Variants in NDST4 observed in about 807,000 individuals in gnomAD.
The protein encoded by NDST4 is N-deacetylase and N-sulfotransferase 4.
NDST4 carries 63 observed loss-of-function variants against 100.8 expected under a neutral mutation model. The ratio of observed to expected loss-of-function variants is 0.62; its 90% CI spans 0.51 to 0.77. The LOEUF is 0.77. NDST4 is among the 30% of genes least tolerant of loss of function. The probability of loss-of-function intolerance (pLI) is 0.00; values close to 1 mark genes in which losing one functional copy is unlikely to be tolerated. For missense variants in NDST4, 943 were observed against 1,018.4 expected, an observed-to-expected ratio of 0.93 and a Z score of 1.01; for synonymous variants, 377 against 361.8, an observed-to-expected ratio of 1.04 and a Z score of -0.48.
chr4:114,893,779 A>G (rs976587662), intron 6 of NDST4, among the ~76,000 whole-genome samples: 2 of 151,886 alleles, frequency 1.3e-5, no homozygotes, highest in Non-Finnish European at 2.9e-5. Context: ...CTTTTGTTGC[A>G]TTTGCTTTTG....
intron 7 of NDST4, among the ~76,000 whole-genome samples, chr4:114,863,671 T>A (rs1460761879): frequency 1.3e-5 from 2 of 152,240 alleles, no homozygotes; most frequent in East Asian, 3.8e-4. Context: ...CAGTTAAAAT[T>A]GCTTTAGGCA....
In NDST4 at chr4:115,048,934, C is replaced by T. The variant is rs148715393; in HGVS notation, c.978+27125G>A. The stretch of plus-strand genomic sequence containing the variant: ...GATTACAGGTGTGAGCCACTGCGCC[C>T]GGCCCACATTATGAATTTTTGTGCG... On this transcript the variant is annotated intron_variant, in intron 2 of 13. Coordinates refer to ENST00000264363, the MANE Select transcript of NDST4 (RefSeq NM_022569.3). Among the ~76,000 whole-genome samples, 981 of 151,996 alleles carry T rather than the reference C, an allele frequency of 6.5e-3. 13 individuals are homozygous for T. The highest frequency in any genetic ancestry group is 0.022 in the African/African-American group (917 of 41,446).
At chr4:115,059,771 T>C (rs1018852842) in intron 2 of NDST4, among the ~76,000 whole-genome samples, 1 of 152,028 alleles carries the variant, frequency 6.6e-6, no homozygotes, top group Non-Finnish European at 1.5e-5. Flanking sequence ...CAAGGTTTTC[T>C]AAACTTTTTA....
intron 2 of NDST4, among the ~76,000 whole-genome samples, chr4:114,989,705 A>G (rs1449226854): frequency 1.3e-5 from 2 of 152,202 alleles, no homozygotes; most frequent in East Asian, 1.9e-4. Context: ...AGGTTAGCCA[A>G]TTGAGAAATG....
intron 1 of NDST4, among the ~76,000 whole-genome samples, chr4:115,083,213 G>T (rs1729337953): frequency 1.3e-5 from 2 of 152,156 alleles, no homozygotes; most frequent in Non-Finnish European, 2.9e-5. Context: ...CACTTTGGGA[G>T]TCTGAGGCTG....
chr4:115,040,116 A>AT (rs1578475745), intron 2 of NDST4, among the ~76,000 whole-genome samples: 2 of 151,942 alleles, frequency 1.3e-5, no homozygotes, highest in East Asian at 3.9e-4. Context: ...GAGGACATAG[A>AT]TAAAAACTAG....
At chr4:115,070,587 A>G (rs1361145995) in intron 2 of NDST4, among the ~76,000 whole-genome samples, 1 of 152,214 alleles carries the variant, frequency 6.6e-6, no homozygotes, top group Non-Finnish European at 1.5e-5. Flanking sequence ...TTAGGTATAC[A>G]GTTAAATTTT....
At chr4:115,043,818 A>G (rs1281843999) in intron 2 of NDST4, among the ~76,000 whole-genome samples, 1 of 152,132 alleles carries the variant, frequency 6.6e-6, no homozygotes, top group Non-Finnish European at 1.5e-5. Context: ...TAAAGAAGGG[A>G]TATAATATAA....
intron 2 of NDST4, among the ~76,000 whole-genome samples, chr4:115,016,413 A>G (rs1727677881): frequency 2.0e-5 from 3 of 152,198 alleles, no homozygotes; most frequent in African/African-American, 7.2e-5. Flanking sequence ...ATTACTCCTA[A>G]TGGCTCATTA....
At chr4:114,973,686 TA>T (rs1726566284) in intron 3 of NDST4, among the ~76,000 whole-genome samples, 1 of 151,876 alleles carries the variant, frequency 6.6e-6, no homozygotes, top group South Asian at 2.1e-4. Flanking sequence ...TCTGCCAAAA[TA>T]AGAATAATTT....
At chr4:114,920,997 C>A (rs1158668485) in intron 6 of NDST4, among the ~76,000 whole-genome samples, 3 of 152,076 alleles carry the variant, frequency 2.0e-5, no homozygotes, top group African/African-American at 7.2e-5. Flanking sequence ...TATATGTTTA[C>A]CAAACACAGA....
rs777166893 is a variant in NDST4 at position 114,833,623 on chromosome 4, A to G, written c.2379T>C (p.Asn793=). The change falls in exon 12 of 14, where the codon AAT becomes AAC. Residue 793 remains asparagine, a synonymous_variant. Transcript: ENST00000264363. ...QKFLGVTPRY[N]YSEALTFDPQ... Reference sequence around the variant, plus strand: ...AGACTCACGTTAGTGCTTCAGAGTAATTATAACGAGGTGTAACTCCCAGAA... The same window carrying G: ...AGACTCACGTTAGTGCTTCAGAGTAGTTATAACGAGGTGTAACTCCCAGAA... The G allele has an allele frequency of 6.2e-7, 1 of 1,609,846 alleles. No individual in the cohort carries two copies. The highest frequency in any genetic ancestry group is 1.1e-5 in the South Asian group (1 of 90,792).
chr4:115,098,389 G>A (rs1237405492), intron 1 of NDST4, among the ~76,000 whole-genome samples: 3 of 152,142 alleles, frequency 2.0e-5, no homozygotes, highest in Admixed American at 1.3e-4. Flanking sequence ...AACTAAGAGG[G>A]TGGATTAAAG....
At chr4:114,886,755 G>C (rs1215639162) in intron 6 of NDST4, among the ~76,000 whole-genome samples, 1 of 152,124 alleles carries the variant, frequency 6.6e-6, no homozygotes, top group Non-Finnish European at 1.5e-5. Flanking sequence ...TAATGAAGAA[G>C]TGATGGAGAG....
intron 1 of NDST4, among the ~76,000 whole-genome samples, chr4:115,100,141 G>A (rs1436663714): frequency 2.0e-5 from 3 of 152,100 alleles, no homozygotes; most frequent in Non-Finnish European, 2.9e-5. Flanking sequence ...AGGATCGGTG[G>A]TTATCACAGG....
intron 2 of NDST4, among the ~76,000 whole-genome samples, chr4:115,043,687 G>A (rs1728401581): frequency 1.3e-5 from 2 of 152,226 alleles, no homozygotes; most frequent in South Asian, 2.1e-4. Flanking sequence ...TCTCCTGGAT[G>A]TCAGTGTCTC....
rs1560787943 is a variant in NDST4 at position 114,870,862 on chromosome 4, C to T, written c.1625G>A (p.Ser542Asn). 3 of 1,613,218 alleles carry T rather than the reference C, an allele frequency of 1.9e-6. No individual in the cohort carries two copies. The highest frequency in any genetic ancestry group is 1.3e-5 in the African/African-American group (1 of 74,958). Residue 542 changes from serine (S) to asparagine (N), a missense_variant, in exon 7 of 14, where the codon AGC becomes AAC. Ser to Asn is a conservative substitution (Grantham distance 46). This residue lies in a region of NDST4 where 526 missense variants were observed against 634.1 expected (regional missense o/e 0.83). Coordinates refer to ENST00000264363, the MANE Select transcript of NDST4 (RefSeq NM_022569.3). ...TFVNLVNFVQ[S>N]WTNLKLQTLP... is the part of the protein sequence containing the mutation. Reference sequence around the variant, plus strand: ...AGTTTGCAATTTCAGGTTGGTCCAGCTCTGCACAAAGTTGACCAAGTTCAC... The same window carrying T: ...AGTTTGCAATTTCAGGTTGGTCCAGTTCTGCACAAAGTTGACCAAGTTCAC...
At chr4:114,992,424 A>G (rs1003507876) in intron 2 of NDST4, among the ~76,000 whole-genome samples, 3 of 151,880 alleles carry the variant, frequency 2.0e-5, no homozygotes, top group African/African-American at 7.2e-5. Flanking sequence ...ATTACAATTT[A>G]TGAATGAATG....
Position 114,856,110 on chromosome 4 carries a change from T to G in NDST4, c.1720-3289A>C, listed in dbSNP as rs142227767. ...CACAGTCTCGCTCTGTCACCCAGGC[T>G]GGAGTGCAGTGGTGCCAACTCGGCT... is the stretch of plus-strand genomic sequence containing the variant. On this transcript the variant is annotated intron_variant, in intron 7 of 13. Coordinates refer to ENST00000264363, the MANE Select transcript of NDST4 (RefSeq NM_022569.3). 4.5e-3 allele frequency among the ~76,000 whole-genome samples: 681 copies of G among 152,122 alleles called. 29 individuals are homozygous for G. In the East Asian group the frequency reaches 0.074, roughly 16 times the overall value.
Sources: gnomAD v4.1 joint callset for allele counts (sites outside exome capture counted in the v4.1 genomes callset) on GRCh38, gnomAD v4.1.1 for gene constraint, gnomAD v4.1.1 regional missense constraint, MANE v1.5 for transcripts, NCBI Gene and HGNC (gene_info 2026-07-23, HGNC 2026-07-21) for gene names.